The following ELOVL6 variants were observed in gnomAD, a reference collection of about 807,000 sequenced individuals.
ELOVL6 encodes very long chain fatty acid elongase 6.
Under a neutral mutation model 31.7 loss-of-function variants are expected in ELOVL6, and 8 were observed. The observed-to-expected ratio is 0.25, with a 90% confidence interval of 0.15 to 0.45. ELOVL6 has a LOEUF of 0.45. Ranked by LOEUF, ELOVL6 falls within the 20% of genes least tolerant of loss-of-function variation. ELOVL6 has a pLI of 1.00. For missense variants in ELOVL6, 126 were observed against 326.4 expected (o/e 0.39, Z 4.73); for synonymous variants, 101 against 117.7 (o/e 0.86, Z 0.92).
intron 1 of ELOVL6, among the ~76,000 whole-genome samples, chr4:110,150,295 A>AT (rs1420565948): frequency 7.9e-5 from 12 of 152,204 alleles, no homozygotes; most frequent in Admixed American, 7.9e-4. Flanking sequence ...TTCATAAGAC[A>AT]TTCTCCTTGC....
At chr4:110,198,136 G>T in intron 1 of ELOVL6, 111 bp downstream of exon 1, 1 of 618,296 alleles carries the variant, frequency 1.6e-6, no homozygotes, top group Non-Finnish European at 3.0e-6. Context: ...TCAGCTGGCT[G>T]CCCGCGATTC....
intron 1 of ELOVL6, among the ~76,000 whole-genome samples, chr4:110,176,725 C>T (rs1647257903): frequency 6.6e-6 from 1 of 152,204 alleles, no homozygotes; most frequent in Admixed American, 6.5e-5. Flanking sequence ...AAGGCGATCA[C>T]TCTCTTTGTC....
intron 1 of ELOVL6, among the ~76,000 whole-genome samples, chr4:110,166,547 G>T (rs1465666748): frequency 2.0e-5 from 3 of 152,052 alleles, no homozygotes; most frequent in Admixed American, 2.0e-4. Flanking sequence ...CGGGAGGAGG[G>T]GTTGTAAATG....
intron 2 of ELOVL6, among the ~76,000 whole-genome samples, chr4:110,100,913 A>G (rs11947939): frequency 0.057 from 8,656 of 152,318 alleles, 673 homozygotes; most frequent in African/African-American, 0.17. Context: ...TGCATGAATT[A>G]TAGTGTAAGA....
At chr4:110,191,110 T>C (rs969707054) in intron 1 of ELOVL6, among the ~76,000 whole-genome samples, 6 of 152,132 alleles carry the variant, frequency 3.9e-5, no homozygotes, top group African/African-American at 7.2e-5. Flanking sequence ...TGAGCCACCA[T>C]ACCCGACCCA....
Position 110,198,555 on chromosome 4 carries a change from C to CCTG in ELOVL6, c.-221_-220insCAG. On this transcript the variant is annotated 5_prime_UTR_variant, in exon 1 of 4. Transcript: ENST00000302274. ...CCGCTCCCAGCTCCTCTCTCTGGGG[C>CCTG]TCTCCTCCTCCCGGCGTCCGCATCC... 1 of 497,130 alleles carries CCTG rather than the reference C, an allele frequency of 2.0e-6. No homozygotes were observed. Among genetic ancestry groups the CCTG allele is most frequent in the Non-Finnish European group, 3.5e-6 (1 of 282,394 alleles). 30.8% of individuals were successfully genotyped at this position (497,130 alleles called of 1,614,324 possible). A position where few individuals can be genotyped will look rare whatever the true frequency, so the allele number is the denominator to read the frequency against.
At chr4:110,164,319 G>A (rs529753459) in intron 1 of ELOVL6, among the ~76,000 whole-genome samples, 125 of 152,212 alleles carry the variant, frequency 8.2e-4, no homozygotes, top group Admixed American at 5.2e-4. Context: ...GACAAGTTAA[G>A]GTGAGGGAAG....
At chr4:110,084,549 CACACACACACACAGAT>C (rs1756164487) in intron 2 of ELOVL6, among the ~76,000 whole-genome samples, 1 of 72,732 alleles carries the variant, frequency 1.4e-5, no homozygotes, top group African/African-American at 7.6e-5. Context: ...CACACACACA[CACACACACACACAGAT>C]ATATATATAT....
At chr4:110,074,008 T>C (rs187187276) in intron 2 of ELOVL6, among the ~76,000 whole-genome samples, 1 of 152,302 alleles carries the variant, frequency 6.6e-6, no homozygotes, top group East Asian at 1.9e-4. Context: ...ACAAATGCAA[T>C]GGGAGCAGGG....
At chr4:110,114,768 G>C (rs536736085) in intron 1 of ELOVL6, among the ~76,000 whole-genome samples, 143 of 152,250 alleles carry the variant, frequency 9.4e-4, no homozygotes, top group African/African-American at 3.3e-3. Context: ...AAAAAACACT[G>C]TCAAAAGGAG....
intron 1 of ELOVL6, among the ~76,000 whole-genome samples, chr4:110,141,003 C>G (rs138186118): frequency 1.1e-4 from 17 of 152,174 alleles, no homozygotes; most frequent in African/African-American, 4.1e-4. Context: ...AGAAATGACA[C>G]TTCTCAAGCT....
At chr4:110,089,469 C>T (rs1756359050) in intron 2 of ELOVL6, among the ~76,000 whole-genome samples, 1 of 152,024 alleles carries the variant, frequency 6.6e-6, no homozygotes, top group South Asian at 2.1e-4. Context: ...GGTTCTAGAC[C>T]CAATCCCCTA....
At chr4:110,097,741 T>C (rs72679207) in intron 2 of ELOVL6, among the ~76,000 whole-genome samples, 7 of 152,070 alleles carry the variant, frequency 4.6e-5, no homozygotes, top group Non-Finnish European at 7.4e-5. Flanking sequence ...TCCAGCAATT[T>C]AGTTTTAAGA....
intron 1 of ELOVL6, among the ~76,000 whole-genome samples, chr4:110,140,306 T>G (rs1053739255): frequency 6.6e-6 from 1 of 152,230 alleles, no homozygotes; most frequent in Non-Finnish European, 1.5e-5. Flanking sequence ...TGCTGCTTAC[T>G]TCCTAAACTT....
chr4:110,162,702 C>T (rs1032649336), intron 1 of ELOVL6, among the ~76,000 whole-genome samples: 2 of 152,266 alleles, frequency 1.3e-5, no homozygotes, highest in African/African-American at 2.4e-5. Context: ...TTGCCATTTT[C>T]CTCCTGCCTC....
chr4:110,067,028 G>A (rs972961693), intron 2 of ELOVL6, among the ~76,000 whole-genome samples: 10 of 152,052 alleles, frequency 6.6e-5, no homozygotes, highest in African/African-American at 2.4e-4. Flanking sequence ...AATTGGTCTA[G>A]TGGTTAGCCT....
intron 2 of ELOVL6, among the ~76,000 whole-genome samples, chr4:110,089,200 A>T (rs1018413840): frequency 1.3e-4 from 20 of 152,230 alleles, no homozygotes; most frequent in African/African-American, 4.6e-4. Context: ...AATGAAATAG[A>T]AGCTCTGTCT....
chr4:110,117,903 A>AAAATATATATATATATATATATAT, intron 1 of ELOVL6: 1 of 6,500 alleles, frequency 1.5e-4, no homozygotes, highest in Non-Finnish European at 3.7e-4. Context: ...AAAAAAAAAA[A>AAAATATATATATATATATATATAT]ATATATATAT....
At chr4:110,149,201 A>ATTT (rs1758214549) in intron 1 of ELOVL6, among the ~76,000 whole-genome samples, 3 of 152,122 alleles carry the variant, frequency 2.0e-5, no homozygotes, top group Non-Finnish European at 2.9e-5. Context: ...AATTAGTACA[A>ATTT]CCTGTATGGA....
Sources: gnomAD v4.1 joint callset for allele counts (sites outside exome capture counted in the v4.1 genomes callset) on GRCh38, gnomAD v4.1.1 for gene constraint, MANE v1.5 for transcripts, NCBI Gene and HGNC (gene_info 2026-07-23, HGNC 2026-07-21) for gene names.